Variants in ANK2 observed in about 807,000 individuals in gnomAD.
The protein encoded by ANK2 is ankyrin 2.
ANK2 carries 83 observed loss-of-function variants against 360.5 expected under a neutral mutation model. That is an observed-to-expected ratio of 0.23 (90% confidence interval 0.19 to 0.28). The LOEUF (loss-of-function observed/expected upper bound fraction) is 0.28. Among genes scored for constraint, ANK2 ranks in the 10% least tolerant of loss-of-function variants. The pLI, the probability that ANK2 is intolerant of heterozygous loss-of-function variation, is 1.00. For synonymous variants in ANK2, 1,740 were observed against 1,759.5 expected (o/e 0.99, Z 0.28); for missense variants, 4,201 against 4,795.7 (o/e 0.88, Z 3.66).
intron 45 of ANK2, among the ~76,000 whole-genome samples, chr4:113,374,141 C>T (rs991965481): frequency 2.0e-5 from 3 of 152,184 alleles, no homozygotes; most frequent in Non-Finnish European, 4.4e-5. Flanking sequence ...GCAGGCTGGT[C>T]TCGAACTCCT....
chr4:113,154,906 G>A (rs1327965275), intron 1 of ANK2, among the ~76,000 whole-genome samples: 1 of 152,142 alleles, frequency 6.6e-6, no homozygotes, highest in Non-Finnish European at 1.5e-5. Flanking sequence ...GTCAACTAAT[G>A]GACTGGGCTG....
At chr4:113,237,234 G>C in intron 6 of ANK2, 62 bp downstream of exon 6, 1 of 1,546,412 alleles carries the variant, frequency 6.5e-7, no homozygotes, top group South Asian at 1.1e-5. Flanking sequence ...CCTCCTGGGG[G>C]ATGATAAAGA....
rs1377885762 is a variant in ANK2 at position 113,302,889 on chromosome 4, G to GTTCTTA, written c.2548+50_2548+51insTTCTTA. On this transcript the variant is annotated intron_variant, in intron 23 of 45. Transcript: ENST00000357077. The stretch of plus-strand genomic sequence containing the variant: ...TGACACCTGTCATGTTCTTACACAA[G>GTTCTTA]GGCAAATTACCCTTTTTTTCAGAGA... The GTTCTTA allele has an allele frequency of 2.7e-6, 4 of 1,502,900 alleles. No individual in the cohort carries two copies. In the Admixed American group the frequency reaches 6.7e-5, roughly 25 times the overall value. 93.1% of individuals were successfully genotyped at this position (1,502,900 alleles called of 1,614,324 possible).
intron 1 of ANK2, among the ~76,000 whole-genome samples, chr4:113,132,325 T>C (rs1395283535): frequency 6.6e-6 from 1 of 152,140 alleles, no homozygotes; most frequent in African/African-American, 2.4e-5. Flanking sequence ...TCCCTTCACT[T>C]TTTTCTCCTG....
intron 1 of ANK2, among the ~76,000 whole-genome samples, chr4:113,051,885 A>G (rs1430686915): frequency 6.6e-6 from 1 of 152,218 alleles, no homozygotes; most frequent in Non-Finnish European, 1.5e-5. Flanking sequence ...CATATAGTCA[A>G]TGGCAATAAC....
chr4:112,779,527 G>GA, the ANK2 span, among the ~76,000 whole-genome samples: 30 of 148,604 alleles, frequency 2.0e-4, 2 homozygotes, highest in South Asian at 2.6e-3. Flanking sequence ...TCTAAAAAAA[G>GA]AAAAAAAAAG....
At chr4:113,289,825 T>C (rs2066654911) in intron 20 of ANK2, among the ~76,000 whole-genome samples, 1 of 152,196 alleles carries the variant, frequency 6.6e-6, no homozygotes, top group South Asian at 2.1e-4. Context: ...TCTCATGAAA[T>C]TGAACTTTGA....
At chr4:113,288,676 G>A (rs2065974441) in intron 20 of ANK2, among the ~76,000 whole-genome samples, 190 bp downstream of exon 20, 3 of 152,234 alleles carry the variant, frequency 2.0e-5, no homozygotes, top group South Asian at 4.1e-4. Flanking sequence ...ATCCATGAAG[G>A]TTAGCTTCGA....
intron 38 of ANK2, among the ~76,000 whole-genome samples, chr4:113,359,851 C>T (rs1176049221): frequency 6.6e-6 from 1 of 152,118 alleles, no homozygotes; most frequent in East Asian, 1.9e-4. Flanking sequence ...TTGGTAAATA[C>T]TTTAAGCAAA....
chr4:113,117,421 AT>A (rs2094921722), intron 1 of ANK2: 1 of 456,122 alleles, frequency 2.2e-6, no homozygotes, highest in Admixed American at 2.4e-5. Context: ...AAAGAAAGGT[AT>A]GAGGAGCATC....
At chr4:113,152,593 C>G (rs894532991) in intron 1 of ANK2, among the ~76,000 whole-genome samples, 8 of 152,046 alleles carry the variant, frequency 5.3e-5, no homozygotes, top group African/African-American at 1.2e-4. Flanking sequence ...GCTTATGTGA[C>G]TATAGTAAAA....
intron 1 of ANK2, among the ~76,000 whole-genome samples, chr4:112,890,865 C>G (rs2079831745): frequency 6.6e-6 from 1 of 152,140 alleles, no homozygotes; most frequent in Non-Finnish European, 1.5e-5. Flanking sequence ...CTACGCCCGG[C>G]CTGTGATACA....
chr4:113,048,248 GTATATATATATATA>G (rs869196489), upstream of ANK2, among the ~76,000 whole-genome samples: 1 of 36,252 alleles, frequency 2.8e-5, no homozygotes, highest in East Asian at 9.7e-4. Context: ...CTACAAGTGT[GTATATATATATATA>G]TATATATATA....
Position 113,335,833 on chromosome 4 carries a change from T to C in ANK2, c.3380-13T>C, listed in dbSNP as rs2093458481. 1.9e-6 allele frequency: 3 copies of C among 1,611,728 alleles called. No individual in the cohort carries two copies. The highest frequency in any genetic ancestry group is 2.5e-6 in the Non-Finnish European group (3 of 1,177,904). On this transcript the variant is annotated splice_polypyrimidine_tract_variant and intron_variant, in intron 29 of 45. Coordinates refer to ENST00000357077, the MANE Select transcript of ANK2 (RefSeq NM_001148.6). ...TTGCTATGTGAATGAAGGTGGGTCA[T>C]TTCTTGTCTTAGTACTGGATAGCCC...
chr4:113,032,555 A>G (rs1469777772), intron 2 of ANK2, among the ~76,000 whole-genome samples: 1 of 152,004 alleles, frequency 6.6e-6, no homozygotes, highest in Non-Finnish European at 1.5e-5. Flanking sequence ...GAGTCTCAGG[A>G]ATGATTATAT....
At chr4:112,887,720 C>T (rs2078821511) in intron 1 of ANK2, among the ~76,000 whole-genome samples, 1 of 151,666 alleles carries the variant, frequency 6.6e-6, no homozygotes, top group African/African-American at 2.4e-5. Context: ...GATTGGTCTT[C>T]TTTCCTGTTG....
chr4:113,119,481 C>T (rs1341048265), intron 1 of ANK2, among the ~76,000 whole-genome samples: 1 of 151,648 alleles, frequency 6.6e-6, no homozygotes, highest in Non-Finnish European at 1.5e-5. Flanking sequence ...GTACATCATA[C>T]CTTAAGGTGT....
At chr4:112,750,779 G>T in the ANK2 span, among the ~76,000 whole-genome samples, 57 of 151,904 alleles carry the variant, frequency 3.8e-4, no homozygotes, top group African/African-American at 1.4e-3. Context: ...CCAGGCTGGA[G>T]TGCAGTGGTG....
intron 1 of ANK2, among the ~76,000 whole-genome samples, chr4:113,066,306 AT>A (rs1389017120): frequency 1.6e-4 from 24 of 152,190 alleles, no homozygotes; most frequent in African/African-American, 5.8e-4. Flanking sequence ...TTCAATTACT[AT>A]GGTACTCTTA....
Sources: allele counts gnomAD v4.1 joint callset (sites outside exome capture counted in the v4.1 genomes callset), GRCh38; gene constraint gnomAD v4.1.1; transcripts MANE v1.5; gene names NCBI Gene and HGNC (gene_info 2026-07-23, HGNC 2026-07-21).